The following TENM1 variants were observed in gnomAD, a reference collection of about 807,000 sequenced individuals.
TENM1 encodes the protein teneurin-1.
TENM1 carries 35 observed loss-of-function variants against 174.8 expected under a neutral mutation model. That is an observed-to-expected ratio of 0.20 (90% CI 0.15 to 0.27). The LOEUF (loss-of-function observed/expected upper bound fraction) is 0.27, where lower values mean the gene tolerates loss of function less well. Ranked by LOEUF, TENM1 falls within the 10% of genes least tolerant of loss-of-function variation. The pLI is 1.00. For missense variants in TENM1, 1,633 were observed against 2,130.1 expected (o/e 0.77, Z 4.59); for synonymous variants, 781 against 798.7 (o/e 0.98, Z 0.37).
intron 3 of TENM1, among the ~76,000 whole-genome samples, chrX:124,828,293 C>T (rs1439527414): frequency 8.9e-6 from 1 of 111,933 alleles, no homozygotes; most frequent in Non-Finnish European, 1.9e-5. Flanking sequence ...ATGAGAATAT[C>T]ATCTTATTGA....
At chrX:124,905,448 G>C (rs1354790669) in intron 1 of TENM1, among the ~76,000 whole-genome samples, 2 of 112,046 alleles carry the variant, frequency 1.8e-5, no homozygotes, top group South Asian at 3.7e-4. Context: ...ACTTCCACTT[G>C]CAAACAAGAT....
chrX:125,196,033 GGAAGGA>G, the TENM1 span, among the ~76,000 whole-genome samples: 2 of 106,780 alleles, frequency 1.9e-5, no homozygotes, highest in East Asian at 5.9e-4. Context: ...AAGGAAGGAA[GGAAGGA>G]AGGAAGGAAG....
chrX:124,809,382 G>A (rs748275563), intron 3 of TENM1, among the ~76,000 whole-genome samples: 1 of 111,051 alleles, frequency 9.0e-6, no homozygotes, highest in South Asian at 3.8e-4. Flanking sequence ...CAGCAAAAAA[G>A]AAAACTACAG....
intron 3 of TENM1, among the ~76,000 whole-genome samples, chrX:124,778,272 ACTC>A (rs2054829868): frequency 9.0e-6 from 1 of 111,557 alleles, no homozygotes; most frequent in African/African-American, 3.3e-5. Flanking sequence ...AGGAGCCTGG[ACTC>A]CTCAGTTTTT....
At position 124,914,452 on chromosome X, in the gene TENM1, G is replaced by A. The variant is rs4825921; in HGVS notation, c.218-18211C>T. 3.0e-3 allele frequency among the ~76,000 whole-genome samples: 338 copies of A among 111,287 alleles called. 12 individuals carry two copies. The highest frequency in any genetic ancestry group is 0.029 in the Admixed American group (308 of 10,489). ...ATGGGTAAGGCTTGAATGAAAGAGG[G>A]TAGAGTTTAGACTCCAGTACTGTTG... On this transcript the variant is annotated intron_variant, in intron 1 of 31. Coordinates refer to ENST00000422452, the Ensembl canonical transcript of TENM1.
chrX:124,490,877 T>C (rs1178183400), intron 20 of TENM1, among the ~76,000 whole-genome samples: 1 of 112,015 alleles, frequency 8.9e-6, no homozygotes, highest in Non-Finnish European at 1.9e-5. Flanking sequence ...TGATATGGTG[T>C]CTCCTATTTT....
intron 13 of TENM1, among the ~76,000 whole-genome samples, chrX:124,562,798 G>C (rs2843525): frequency 0.42 from 47,024 of 110,919 alleles, 8,165 homozygotes; most frequent in East Asian, 0.81. Flanking sequence ...AGGACCAGAC[G>C]TGAATTTTAC....
chrX:124,507,062 A>G (rs894589527), intron 18 of TENM1, among the ~76,000 whole-genome samples: 1 of 110,648 alleles, frequency 9.0e-6, no homozygotes, highest in Non-Finnish European at 1.9e-5. Context: ...CAGGGCACGG[A>G]TTCAGTCTCT....
At chrX:124,405,930 C>G (rs189707182) in intron 26 of TENM1, among the ~76,000 whole-genome samples, 5 of 105,561 alleles carry the variant, frequency 4.7e-5, no homozygotes, top group African/African-American at 1.0e-4. Context: ...TGGTCTGTAT[C>G]CTAAGATTTT....
At chrX:124,478,600 A>G (rs1303154200) in intron 22 of TENM1, among the ~76,000 whole-genome samples, 1 of 112,297 alleles carries the variant, frequency 8.9e-6, no homozygotes, top group Admixed American at 9.4e-5. Context: ...TATAATTGCA[A>G]TATGTTGCTT....
the TENM1 span, among the ~76,000 whole-genome samples, chrX:124,977,961 TGTGTGTGAGAGAGAGAGAGAGAGA>T: frequency 3.7e-5 from 2 of 54,481 alleles, no homozygotes; most frequent in African/African-American, 1.5e-4. Flanking sequence ...TGTGTGTGTG[TGTGTGTGAGAGAGAGAGAGAGAGA>T]GAGAGAGAGA....
At chrX:124,694,658 T>A (rs2052607521) in intron 5 of TENM1, among the ~76,000 whole-genome samples, 1 of 112,200 alleles carries the variant, frequency 8.9e-6, no homozygotes, top group Non-Finnish European at 1.9e-5. Flanking sequence ...CCAGTATCTA[T>A]AACACATTCA....
chrX:124,892,779 A>C (rs1351091131), intron 3 of TENM1, among the ~76,000 whole-genome samples: 2 of 112,253 alleles, frequency 1.8e-5, no homozygotes, highest in African/African-American at 6.5e-5. Context: ...ACAAAATGTC[A>C]TTAACATTAA....
chrX:124,824,513 T>C (rs60406585), intron 3 of TENM1, among the ~76,000 whole-genome samples: 4,356 of 112,149 alleles, frequency 0.039, 109 homozygotes, highest in African/African-American at 0.088. Flanking sequence ...TACATGCCTG[T>C]ACTCAGGCAG....
chrX:124,946,836 G>A (rs2058409590), intron 1 of TENM1, among the ~76,000 whole-genome samples: 1 of 108,065 alleles, frequency 9.3e-6, no homozygotes, highest in African/African-American at 3.4e-5. Flanking sequence ...CTGTAAGTCT[G>A]AAGATTGACA....
the TENM1 span, among the ~76,000 whole-genome samples, chrX:125,072,576 T>G: frequency 4.5e-5 from 5 of 111,703 alleles, no homozygotes; most frequent in Admixed American, 2.9e-4. Flanking sequence ...GGGACTATAA[T>G]ACTCAAAGTT....
the TENM1 span, among the ~76,000 whole-genome samples, chrX:125,154,307 G>A: frequency 7.2e-5 from 8 of 111,776 alleles, no homozygotes; most frequent in African/African-American, 2.6e-4. Context: ...TGAAGTCATC[G>A]AAGTCATGAG....
chrX:124,455,928 G>C (rs1320469706), intron 22 of TENM1, among the ~76,000 whole-genome samples: 1 of 111,713 alleles, frequency 9.0e-6, no homozygotes, highest in Non-Finnish European at 1.9e-5. Flanking sequence ...TGTCTTTGCT[G>C]ATATCAGGGA....
intron 3 of TENM1, among the ~76,000 whole-genome samples, chrX:124,801,788 C>G (rs1324543562): frequency 9.0e-6 from 1 of 111,616 alleles, no homozygotes; most frequent in African/African-American, 3.3e-5. Context: ...CTGGTGGTGA[C>G]AAAATCCCTC....
Sources: gnomAD v4.1 joint callset for allele counts (sites outside exome capture counted in the v4.1 genomes callset) on GRCh38, gnomAD v4.1.1 for gene constraint, MANE v1.5 for transcripts, NCBI Gene and HGNC (gene_info 2026-07-23, HGNC 2026-07-21) for gene names.